SMIM31: variants seen among roughly 807,000 people sequenced by gnomAD.
The protein encoded by SMIM31 is human epithelial cell program regulator.
At chr4:164,755,974 T>G (rs1164321968) in intron 1 of SMIM31, among the ~76,000 whole-genome samples, 3 of 152,356 alleles carry the variant, frequency 2.0e-5, no homozygotes, top group Admixed American at 6.5e-5. Flanking sequence ...ATCATCTCTC[T>G]GTACGTCCAC....
chr4:164,776,094 A>T (rs1732876648), intron 2 of SMIM31, among the ~76,000 whole-genome samples: 1 of 152,122 alleles, frequency 6.6e-6, no homozygotes, highest in Non-Finnish European at 1.5e-5. Flanking sequence ...CAAGTAGAAA[A>T]TGTCCACCTG....
At chr4:164,764,981 T>C (rs567192386) in intron 1 of SMIM31, among the ~76,000 whole-genome samples, 3 of 152,306 alleles carry the variant, frequency 2.0e-5, no homozygotes, top group Admixed American at 2.0e-4. Context: ...ACTAGAGGAA[T>C]TCAGGCTGGC....
chr4:164,791,764 T>C (rs1733104331), intron 2 of SMIM31, among the ~76,000 whole-genome samples: 1 of 152,126 alleles, frequency 6.6e-6, no homozygotes, highest in Non-Finnish European at 1.5e-5. Flanking sequence ...TATTGTGGAG[T>C]GGTGAAGTCT....
At chr4:164,791,492 C>A (rs1340352316) in intron 2 of SMIM31, among the ~76,000 whole-genome samples, 18 of 152,034 alleles carry the variant, frequency 1.2e-4, no homozygotes, top group Admixed American at 1.2e-3. Flanking sequence ...ACCACCACAC[C>A]CAGCTAATTT....
intron 1 of SMIM31, among the ~76,000 whole-genome samples, chr4:164,756,535 G>A (rs1388325688): frequency 6.6e-6 from 1 of 151,486 alleles, no homozygotes; most frequent in African/African-American, 2.4e-5. Context: ...TCACGTCACT[G>A]CACTCGAGAC....
chr4:164,774,169 A>G (rs1262107097), intron 2 of SMIM31, among the ~76,000 whole-genome samples: 2 of 20,428 alleles, frequency 9.8e-5, no homozygotes, highest in Non-Finnish European at 5.0e-4. Context: ...CTGTCTCAAG[A>G]AAAAAAAAAA....
chr4:164,773,836 G>A (rs980126392), intron 2 of SMIM31, among the ~76,000 whole-genome samples: 1 of 152,050 alleles, frequency 6.6e-6, no homozygotes, highest in African/African-American at 2.4e-5. Context: ...CTTCTTCTTG[G>A]GAGTCTTCGT....
At chr4:164,794,904 A>T (rs186849454) in intron 2 of SMIM31, among the ~76,000 whole-genome samples, 35 of 151,922 alleles carry the variant, frequency 2.3e-4, no homozygotes, top group African/African-American at 6.3e-4. Context: ...AATATTTTTT[A>T]AAAAAATATT....
intron 1 of SMIM31, among the ~76,000 whole-genome samples, chr4:164,769,742 TAAA>T (rs57603306): frequency 7.0e-6 from 1 of 143,176 alleles, no homozygotes; most frequent in East Asian, 2.1e-4. Flanking sequence ...ACTTAAAGTA[TAAA>T]AAAAAAAAAA....
At chr4:164,757,421 T>A (rs2042855243) in intron 1 of SMIM31, among the ~76,000 whole-genome samples, 1 of 152,162 alleles carries the variant, frequency 6.6e-6, no homozygotes, top group South Asian at 2.1e-4. Flanking sequence ...TAAATTATGA[T>A]GAAAAGTCTA....
chr4:164,787,796 A>G (rs1733046088), intron 2 of SMIM31, among the ~76,000 whole-genome samples: 1 of 152,128 alleles, frequency 6.6e-6, no homozygotes, highest in Non-Finnish European at 1.5e-5. Flanking sequence ...TGTTCTCTTC[A>G]AGTCTTTTTA....
chr4:164,758,664 C>T (rs1307482363), intron 1 of SMIM31, among the ~76,000 whole-genome samples: 3 of 115,504 alleles, frequency 2.6e-5, no homozygotes, highest in Admixed American at 1.3e-4. Flanking sequence ...GACGGAGTCT[C>T]GCTCTGTCCC....
At position 164,803,747 on chromosome 4, in the gene SMIM31, A is replaced by T. The variant is rs1482114662; in HGVS notation, c.*2553A>T. The T allele has an allele frequency of 1.3e-5, 2 of 152,230 alleles. No individual in the cohort carries two copies. The highest frequency in any genetic ancestry group is 2.9e-5 in the Non-Finnish European group (2 of 68,154). 9.4% of individuals were successfully genotyped at this position (152,230 alleles called of 1,614,324 possible). On this transcript the variant is annotated 3_prime_UTR_variant, in exon 3 of 3. Coordinates refer to ENST00000507311, the MANE Select transcript of SMIM31 (RefSeq NM_001352885.1). ...GAGGCGGAGGTTGTAGTGAGCCAAG[A>T]TTGCGCCATTGCTCTCCAGCCTGGG...
intron 1 of SMIM31, among the ~76,000 whole-genome samples, chr4:164,765,889 T>C (rs1294564368): frequency 2.0e-5 from 3 of 152,194 alleles, no homozygotes. Context: ...GATTTTTCTT[T>C]AGATGAAGGC....
chr4:164,779,312 G>A (rs1485847831), intron 2 of SMIM31, among the ~76,000 whole-genome samples: 2 of 152,246 alleles, frequency 1.3e-5, no homozygotes, highest in East Asian at 1.9e-4. Flanking sequence ...AGTTCTGCGG[G>A]TGCCAAAGGC....
rs1444440905 is a variant in SMIM31, at chr4:164,758,829, T to A, written c.-26+4418T>A. Among the ~76,000 whole-genome samples the A allele has an allele frequency of 2.1e-3, 191 of 92,896 alleles. 1 individual carries two copies. Among genetic ancestry groups the A allele is most frequent in the African/African-American group, 7.4e-3 (165 of 22,174 alleles). 60.9% of individuals were successfully genotyped at this position (92,896 alleles called of 152,430 possible). ...TTTTTTTTTTTTTTTTTTTTTTTTT[T>A]TTTTTTTTTTTTGTATTTTTAGTAG... On this transcript the variant is annotated intron_variant, in intron 1 of 2. Transcript: ENST00000507311.
chr4:164,760,738 TAAAAAAA>T (rs60710008), intron 1 of SMIM31, among the ~76,000 whole-genome samples: 2 of 86,248 alleles, frequency 2.3e-5, no homozygotes, highest in Admixed American at 1.4e-4. Flanking sequence ...AGACTCCACC[TAAAAAAA>T]AAAAAAAAAA....
intron 2 of SMIM31, among the ~76,000 whole-genome samples, chr4:164,792,382 T>C (rs1733113775): frequency 6.6e-6 from 1 of 152,214 alleles, no homozygotes; most frequent in Non-Finnish European, 1.5e-5. Flanking sequence ...CTCCACCCTT[T>C]GGGAAACTTA....
At chr4:164,784,022 C>T (rs1249608784) in intron 2 of SMIM31, among the ~76,000 whole-genome samples, 1 of 152,178 alleles carries the variant, frequency 6.6e-6, no homozygotes, top group African/African-American at 2.4e-5. Flanking sequence ...TATTTTCCCT[C>T]ACCAGAGCAT....
Sources: allele counts gnomAD v4.1 joint callset (sites outside exome capture counted in the v4.1 genomes callset), GRCh38; gene constraint gnomAD v4.1.1; transcripts MANE v1.5; gene names NCBI Gene and HGNC (gene_info 2026-07-23, HGNC 2026-07-21).